Variants in DSCAM observed in about 807,000 individuals in gnomAD.
The protein encoded by DSCAM is DS cell adhesion molecule.
DSCAM carries 47 observed loss-of-function variants against 217.7 expected under a neutral mutation model. The ratio of observed to expected loss-of-function variants is 0.22; its 90% CI spans 0.17 to 0.28. DSCAM has a LOEUF of 0.28. Among genes scored for constraint, DSCAM ranks in the 10% least tolerant of loss-of-function variants. DSCAM has a pLI of 1.00. For missense variants in DSCAM, 2,080 were observed against 2,618.3 expected, an observed-to-expected ratio of 0.79 and a Z score of 4.49; for synonymous variants, 1,056 against 1,015.3, an observed-to-expected ratio of 1.04 and a Z score of -0.76.
intron 1 of DSCAM, among the ~76,000 whole-genome samples, chr21:40,800,715 C>CTTTTT (rs34391500): frequency 2.3e-5 from 3 of 131,078 alleles, no homozygotes; most frequent in South Asian, 2.5e-4. Context: ...TTCTTACTTT[C>CTTTTT]TTTTTTTTTT....
intron 32 of DSCAM, among the ~76,000 whole-genome samples, chr21:40,018,957 T>C (rs149528609): frequency 1.3e-5 from 2 of 152,352 alleles, no homozygotes; most frequent in African/African-American, 4.8e-5. Flanking sequence ...ACAATGTGTA[T>C]TTTCTGATTA....
chr21:40,270,980 A>G (rs2073608533), intron 11 of DSCAM, among the ~76,000 whole-genome samples: 1 of 152,254 alleles, frequency 6.6e-6, no homozygotes, highest in African/African-American at 2.4e-5. Flanking sequence ...ATGGGTTATT[A>G]TATGTCAGGC....
intron 3 of DSCAM, among the ~76,000 whole-genome samples, chr21:40,639,097 C>T (rs536791000): frequency 1.3e-5 from 2 of 151,204 alleles, no homozygotes; most frequent in South Asian, 2.1e-4. Context: ...TTTACAGCAG[C>T]CTCTGTGTCC....
intron 3 of DSCAM, among the ~76,000 whole-genome samples, chr21:40,628,853 T>C (rs138756665): frequency 2.3e-3 from 350 of 152,268 alleles, no homozygotes; most frequent in African/African-American, 7.1e-3. Flanking sequence ...GGTCAAGTTA[T>C]CCTCTCAACT....
chr21:40,580,120 T>G (rs973094905), intron 3 of DSCAM, among the ~76,000 whole-genome samples: 1 of 151,738 alleles, frequency 6.6e-6, no homozygotes, highest in Non-Finnish European at 1.5e-5. Flanking sequence ...CTCGCTCTGT[T>G]GCCCAAGCTG....
At chr21:40,434,409 A>C (rs1372192331) in intron 3 of DSCAM, among the ~76,000 whole-genome samples, 1 of 152,164 alleles carries the variant, frequency 6.6e-6, no homozygotes, top group Non-Finnish European at 1.5e-5. Context: ...TTTCTTGAAA[A>C]ACAGATTATT....
At chr21:40,203,253 T>C (rs2091089439) in intron 11 of DSCAM, among the ~76,000 whole-genome samples, 1 of 152,266 alleles carries the variant, frequency 6.6e-6, no homozygotes, top group Non-Finnish European at 1.5e-5. Flanking sequence ...TTCATTTGTG[T>C]CTGGCTTCTT....
intron 9 of DSCAM, among the ~76,000 whole-genome samples, chr21:40,300,666 C>G (rs1028684976): frequency 6.6e-5 from 10 of 152,212 alleles, no homozygotes; most frequent in Admixed American, 6.5e-4. Context: ...AAATTCTCTG[C>G]CTCTGCCTCA....
At chr21:40,578,294 T>C (rs1456701774) in intron 3 of DSCAM, among the ~76,000 whole-genome samples, 2 of 152,178 alleles carry the variant, frequency 1.3e-5, no homozygotes, top group Non-Finnish European at 2.9e-5. Flanking sequence ...GTGAAGTCAG[T>C]TGGGCTTCTG....
intron 3 of DSCAM, among the ~76,000 whole-genome samples, chr21:40,407,935 A>G (rs1193050899): frequency 6.6e-6 from 1 of 152,206 alleles, no homozygotes; most frequent in African/African-American, 2.4e-5. Flanking sequence ...CCAGATCCAG[A>G]GGAATATCTT....
At chr21:40,427,642 G>A (rs1032526570) in intron 3 of DSCAM, among the ~76,000 whole-genome samples, 3 of 152,186 alleles carry the variant, frequency 2.0e-5, no homozygotes, top group African/African-American at 7.2e-5. Context: ...AATCTCTACA[G>A]CACAGTAAAC....
chr21:40,245,426 G>A (rs967871191), intron 11 of DSCAM, among the ~76,000 whole-genome samples: 2 of 152,172 alleles, frequency 1.3e-5, no homozygotes, highest in African/African-American at 4.8e-5. Context: ...AAGGAAAGCT[G>A]AGAGGGTAGC....
chr21:40,118,073 C>T (rs2089992583), intron 20 of DSCAM, among the ~76,000 whole-genome samples: 1 of 152,090 alleles, frequency 6.6e-6, no homozygotes, highest in African/African-American at 2.4e-5. Context: ...GGAGATGCAG[C>T]TGGATTGTGG....
In DSCAM at chr21:40,142,686, T is replaced by C; in HGVS notation, c.3278A>G (p.Glu1093Gly). 6.2e-7 allele frequency: 1 copy of C among 1,614,094 alleles called. No homozygotes were observed. Among genetic ancestry groups the C allele is most frequent in the East Asian group, 2.2e-5 (1 of 44,880 alleles). Residue 1093 changes from glutamate to glycine, a missense_variant, in exon 18 of 33, where the codon GAA (glutamate) becomes GGA (glycine). This residue lies in a region of DSCAM where 1,144 missense variants were observed against 1,421.1 expected (regional missense o/e 0.81). Coordinates refer to ENST00000400454, the MANE Select transcript of DSCAM (RefSeq NM_001389.5). ...TGATGTTGCTATGGCTTGGACATTT[T>C]CGGGGGGGTAACTGGGCACTGAAAT... ...TLEDVPSYPP[E>G]NVQAIATSPE...
chr21:40,843,606 A>G (rs1372047342), intron 1 of DSCAM, among the ~76,000 whole-genome samples: 1 of 152,144 alleles, frequency 6.6e-6, no homozygotes, highest in Non-Finnish European at 1.5e-5. Context: ...ACACCGAGGG[A>G]CGTGTGTGGG....
intron 1 of DSCAM, among the ~76,000 whole-genome samples, chr21:40,728,987 G>A (rs535560919): frequency 1.3e-5 from 2 of 152,268 alleles, no homozygotes; most frequent in African/African-American, 2.4e-5. Flanking sequence ...AATCTCCACT[G>A]ACATGGGTCG....
At chr21:40,423,744 G>A (rs1171973785) in intron 3 of DSCAM, among the ~76,000 whole-genome samples, 1 of 152,120 alleles carries the variant, frequency 6.6e-6, no homozygotes, top group East Asian at 1.9e-4. Flanking sequence ...ATATGGATTC[G>A]CTGCCGGTAA....
At chr21:40,147,810 C>T (rs564899914) in intron 16 of DSCAM, among the ~76,000 whole-genome samples, 1 of 152,174 alleles carries the variant, frequency 6.6e-6, no homozygotes, top group East Asian at 1.9e-4. Context: ...TATCATATTC[C>T]ATCATATTGA....
chr21:40,523,043 G>C (rs1329161952), intron 3 of DSCAM, among the ~76,000 whole-genome samples: 1 of 152,142 alleles, frequency 6.6e-6, no homozygotes, highest in East Asian at 1.9e-4. Context: ...TGTTGACCTT[G>C]GAGAAATAAC....
Sources: allele counts gnomAD v4.1 joint callset (sites outside exome capture counted in the v4.1 genomes callset), GRCh38; gene constraint gnomAD v4.1.1; regional missense constraint gnomAD v4.1.1; transcripts MANE v1.5; gene names NCBI Gene and HGNC (gene_info 2026-07-23, HGNC 2026-07-21).